HINT3: variants seen among roughly 807,000 people sequenced by gnomAD.
HINT3 encodes the protein histidine triad nucleotide binding protein 3.
Under a neutral mutation model 19.1 loss-of-function variants are expected in HINT3, and 16 were observed. The ratio of observed to expected loss-of-function variants is 0.84; its 90% CI spans 0.57 to 1.27. HINT3 has a LOEUF of 1.27. Ranked by LOEUF, HINT3 falls within the 50% of genes most tolerant of loss-of-function variation. The pLI is 0.00. For synonymous variants in HINT3, 75 were observed against 84.8 expected, an observed-to-expected ratio of 0.88 and a Z score of 0.63; for missense variants, 197 against 225.8, an observed-to-expected ratio of 0.87 and a Z score of 0.82.
At chr6:125,963,117 G>A (rs1424261706) in intron 1 of HINT3, among the ~76,000 whole-genome samples, 3 of 152,118 alleles carry the variant, frequency 2.0e-5, no homozygotes, top group Non-Finnish European at 4.4e-5. Context: ...CAGTATGCGT[G>A]ATCAAAAGGG....
chr6:125,969,319 AT>A (rs1270678592), intron 2 of HINT3, among the ~76,000 whole-genome samples: 1 of 152,198 alleles, frequency 6.6e-6, no homozygotes, highest in African/African-American at 2.4e-5. Context: ...GGCTGCAGGT[AT>A]GTGGCTTTAT....
intron 1 of HINT3, among the ~76,000 whole-genome samples, chr6:125,966,655 T>A (rs974367960): frequency 6.6e-5 from 10 of 152,212 alleles, no homozygotes; most frequent in Admixed American, 4.6e-4. Flanking sequence ...TTACTCATAA[T>A]TGTTTCCCCA....
rs1169555347 is a variant in HINT3, at chr6:125,957,171, A to G, written c.194A>G (p.His65Arg). 1 of 1,544,442 alleles carries G rather than the reference A, an allele frequency of 6.5e-7. No individual in the cohort carries two copies. Among genetic ancestry groups the G allele is most frequent in the Admixed American group, 2.0e-5 (1 of 50,860 alleles). Reference sequence around the variant, plus strand: ...CAGGACCCGGGCACCGAACTCCTGCACTGCGAGGTGGGCGGCGACGCGCGG... The same window carrying G: ...CAGGACCCGGGCACCGAACTCCTGCGCTGCGAGGTGGGCGGCGACGCGCGG... Reference protein sequence around the residue: ...GRQDPGTELLHCENEDLICFK... With the variant: ...GRQDPGTELLRCENEDLICFK... Residue 65 changes from histidine (H) to arginine (R), a missense_variant, in exon 1 of 5, where the codon CAC (histidine) becomes CGC (arginine). Physicochemically the swap from His to Arg is conservative, Grantham distance 29. Transcript: ENST00000229633.
chr6:125,971,253 T>C (rs1258774537), intron 2 of HINT3, among the ~76,000 whole-genome samples: 1 of 152,216 alleles, frequency 6.6e-6, no homozygotes, highest in Non-Finnish European at 1.5e-5. Context: ...AAGGATAGGC[T>C]GACTGGAAGG....
intron 2 of HINT3, among the ~76,000 whole-genome samples, chr6:125,971,466 A>C (rs1460721451): frequency 6.6e-6 from 1 of 152,142 alleles, no homozygotes; most frequent in Non-Finnish European, 1.5e-5. Flanking sequence ...CTCAATTTGA[A>C]ACTTTATTTC....
At chr6:125,963,207 T>C (rs1356727908) in intron 1 of HINT3, among the ~76,000 whole-genome samples, 1 of 152,186 alleles carries the variant, frequency 6.6e-6, no homozygotes, top group African/African-American at 2.4e-5. Context: ...CTGGCAGCTT[T>C]TTCCCAACAA....
chr6:125,961,097 A>G (rs975858680), intron 1 of HINT3, among the ~76,000 whole-genome samples: 1 of 152,204 alleles, frequency 6.6e-6, no homozygotes, highest in African/African-American at 2.4e-5. Flanking sequence ...TTGGTTAGGA[A>G]CAAAGTAAAC....
At chr6:125,961,920 G>T (rs974737206) in intron 1 of HINT3, among the ~76,000 whole-genome samples, 3 of 151,786 alleles carry the variant, frequency 2.0e-5, no homozygotes, top group Non-Finnish European at 4.4e-5. Context: ...AGGGTATGAG[G>T]CAGAATCCCT....
Position 125,956,825 on chromosome 6 carries a change from T to G in HINT3, c.-153T>G. The G allele has an allele frequency of 1.3e-6, 1 of 797,220 alleles. No individual in the cohort carries two copies. The highest frequency in any genetic ancestry group is 2.7e-5 in the East Asian group (1 of 36,950). 49.4% of individuals were successfully genotyped at this position (797,220 alleles called of 1,614,324 possible). A position where few individuals can be genotyped will look rare whatever the true frequency, so the allele number is the denominator to read the frequency against. ...TCCGGCTTTGAAGTTCCTCACCGCG[T>G]CTCCTTCCCTCTCCCCAAAGCCTGG... On this transcript the variant is annotated 5_prime_UTR_variant, in exon 1 of 5. Coordinates refer to ENST00000229633, the MANE Select transcript of HINT3 (RefSeq NM_138571.5).
Position 125,977,791 on chromosome 6 carries a change from C to G in HINT3, c.*115C>G. The G allele has an allele frequency of 1.8e-6, 1 of 562,738 alleles. No individual in the cohort carries two copies. The highest frequency in any genetic ancestry group is 3.0e-5 in the East Asian group (1 of 33,014). The allele number at this position is 562,738 out of a possible 1,614,324, so 34.9% of individuals were successfully genotyped here. A position where few individuals can be genotyped will look rare whatever the true frequency, so the allele number is the denominator to read the frequency against. On this transcript the variant is annotated 3_prime_UTR_variant, in exon 5 of 5. Transcript: ENST00000229633. Reference sequence around the variant, plus strand: ...TGTTGGGTTTTATGAGAGGCTGTTACTTAGTGGCCTTAAATCTTTTCTGAA... The same window carrying G: ...TGTTGGGTTTTATGAGAGGCTGTTAGTTAGTGGCCTTAAATCTTTTCTGAA...
chr6:125,957,389 A>G (rs1259826844), intron 1 of HINT3, among the ~76,000 whole-genome samples: 1 of 152,072 alleles, frequency 6.6e-6, no homozygotes, highest in Non-Finnish European at 1.5e-5. Flanking sequence ...CTGATGACAG[A>G]CTCACTCCTA....
At chr6:125,971,037 C>A (rs1290460922) in intron 2 of HINT3, among the ~76,000 whole-genome samples, 1 of 152,140 alleles carries the variant, frequency 6.6e-6, no homozygotes, top group Non-Finnish European at 1.5e-5. Flanking sequence ...GTTTTTACTT[C>A]TTCGTCTTTC....
rs1215154343 is a variant in HINT3 at position 125,962,213 on chromosome 6, C to CATATAT, written c.202-4658_202-4653dup. Among the ~76,000 whole-genome samples, 101 of 36,294 alleles carry CATATAT rather than the reference C, an allele frequency of 2.8e-3. 6 individuals are homozygous for CATATAT. The highest frequency in any genetic ancestry group is 3.4e-3 in the Non-Finnish European group (85 of 24,698). The allele number at this position is 36,294 out of a possible 152,430, so 23.8% of individuals were successfully genotyped here. On this transcript the variant is annotated intron_variant, in intron 1 of 4. Transcript: ENST00000229633. ...ACATATATATATATATATATATACA[C>CATATAT]ATATATATATATATATATATACACA... is the stretch of plus-strand genomic sequence containing the variant.
At chr6:125,965,684 C>T (rs1029668136) in intron 1 of HINT3, among the ~76,000 whole-genome samples, 12 of 151,886 alleles carry the variant, frequency 7.9e-5, no homozygotes, top group African/African-American at 2.7e-4. Context: ...CTCAGGAGAT[C>T]GAGGCTGCAG....
intron 2 of HINT3, among the ~76,000 whole-genome samples, chr6:125,969,405 A>G (rs1291758948): frequency 6.6e-6 from 1 of 152,126 alleles, no homozygotes; most frequent in Non-Finnish European, 1.5e-5. Flanking sequence ...TTGGTTATAT[A>G]GACTTATAGT....
In HINT3 at chr6:125,962,215, TATATATATATATATATATACAC is replaced by T. The variant is rs1562212104; in HGVS notation, c.202-4658_202-4637del. On this transcript the variant is annotated intron_variant, in intron 1 of 4. Transcript: ENST00000229633. ...ATATATATATATATATATATACACATATATATATATATATATATACACATATATATATATACACACATATATA... is the reference window on the plus strand; with the variant it reads ...ATATATATATATATATATATACACATATATATATATATACACACATATATA... 5.7e-3 allele frequency among the ~76,000 whole-genome samples: 122 copies of T among 21,396 alleles called. 19 individuals carry two copies. The highest frequency in any genetic ancestry group is 0.021 in the African/African-American group (88 of 4,286). 14.0% of individuals were successfully genotyped at this position (21,396 alleles called of 152,430 possible).
chr6:125,959,333 A>G (rs1788885676), intron 1 of HINT3, among the ~76,000 whole-genome samples: 2 of 152,230 alleles, frequency 1.3e-5, no homozygotes, highest in African/African-American at 4.8e-5. Context: ...GGACCTGGAA[A>G]GGGAATAGAG....
chr6:125,964,737 TAC>T (rs3083382), intron 1 of HINT3, among the ~76,000 whole-genome samples: 2,629 of 148,496 alleles, frequency 0.018, 26 homozygotes, highest in African/African-American at 0.028. Flanking sequence ...AATAGTTTTA[TAC>T]ACACACACAC....
chr6:125,971,689 C>T (rs989111969), intron 2 of HINT3, among the ~76,000 whole-genome samples: 2 of 144,976 alleles, frequency 1.4e-5, no homozygotes, highest in Non-Finnish European at 3.0e-5. Flanking sequence ...TGTGCACCAC[C>T]ATGCCTGGCT....
Sources: gnomAD v4.1 joint callset for allele counts (sites outside exome capture counted in the v4.1 genomes callset) on GRCh38, gnomAD v4.1.1 for gene constraint, MANE v1.5 for transcripts, NCBI Gene and HGNC (gene_info 2026-07-23, HGNC 2026-07-21) for gene names.